Variants in FOXK1 observed in about 807,000 individuals in gnomAD.
FOXK1 encodes forkhead box K1, also known as forkhead box protein K1.
Under a neutral mutation model 51.9 loss-of-function variants are expected in FOXK1, and 19 were observed. The observed-to-expected ratio is 0.37, with a 90% CI of 0.26 to 0.54. The LOEUF (loss-of-function observed/expected upper bound fraction) is 0.54, where lower values mean the gene tolerates loss of function less well. FOXK1 is among the 20% of genes least tolerant of loss of function. The probability of loss-of-function intolerance (pLI) is 0.87; values close to 1 mark genes in which losing one functional copy is unlikely to be tolerated. For missense variants in FOXK1, 870 were observed against 1,032.7 expected, an observed-to-expected ratio of 0.84 and a Z score of 2.16; for synonymous variants, 537 against 482.6, an observed-to-expected ratio of 1.11 and a Z score of -1.48.
rs1363515766 is a variant in FOXK1, at chr7:4,753,778, G to C, written c.747-681G>C. ...CGGACGGACGCAGCCTCCTGCCTGT[G>C]GTCCCGGCCTCAACCCAGAGCCTCA... On this transcript the variant is annotated intron_variant, in intron 2 of 8. Transcript: ENST00000328914. The surrounding 1 kb of genome is among the most constrained non-coding windows in gnomAD (Gnocchi z 4.9). Among the ~76,000 whole-genome samples, 1 of 152,178 alleles carries C rather than the reference G, an allele frequency of 6.6e-6. No individual in the cohort carries two copies. Among genetic ancestry groups the C allele is most frequent in the African/African-American group, 2.4e-5 (1 of 41,452 alleles).
intron 2 of FOXK1, among the ~76,000 whole-genome samples, chr7:4,752,038 G>A (rs1424089984): frequency 6.6e-5 from 10 of 152,078 alleles, no homozygotes; most frequent in Non-Finnish European, 1.3e-4. Context: ...CTGCAGCCTC[G>A]ACCTCCCAGG....
chr7:4,688,299 A>T (rs933026742), intron 1 of FOXK1, among the ~76,000 whole-genome samples: 3 of 151,074 alleles, frequency 2.0e-5, no homozygotes, highest in African/African-American at 7.3e-5. Flanking sequence ...TGTCATTATC[A>T]CACCTAAAAA....
rs577074324 is a variant in FOXK1, at chr7:4,736,815, G to A, written c.561-4023G>A. 2.0e-5 allele frequency among the ~76,000 whole-genome samples: 3 copies of A among 152,332 alleles called. No homozygotes were observed. The East Asian group carries it at 5.8e-4, about 29-fold the overall frequency. On this transcript the variant is annotated intron_variant, in intron 1 of 8. Coordinates refer to ENST00000328914, the MANE Select transcript of FOXK1 (RefSeq NM_001037165.2). Reference sequence around the variant, plus strand: ...ATCACAGAAGCGCAGAGAGGTTAGGGTGAGTGGTTCTAAACCAATTTTCTC... The same window carrying A: ...ATCACAGAAGCGCAGAGAGGTTAGGATGAGTGGTTCTAAACCAATTTTCTC...
At chr7:4,720,949 G>A (rs1301316743) in intron 1 of FOXK1, among the ~76,000 whole-genome samples, 1 of 151,764 alleles carries the variant, frequency 6.6e-6, no homozygotes, top group Non-Finnish European at 1.5e-5. Flanking sequence ...ACACGTGTTA[G>A]TCAGGCTGGT....
At chr7:4,719,429 G>A (rs937830554) in intron 1 of FOXK1, among the ~76,000 whole-genome samples, 10 of 150,928 alleles carry the variant, frequency 6.6e-5, no homozygotes, top group East Asian at 2.0e-4. Flanking sequence ...TGTGAGCCAC[G>A]GTGCCTAGGG....
chr7:4,739,077 G>A (rs117305089), intron 1 of FOXK1, among the ~76,000 whole-genome samples: 1 of 152,322 alleles, frequency 6.6e-6, no homozygotes, highest in East Asian at 1.9e-4. Context: ...TGAAAGAGGG[G>A]TGTCTGCGCA....
chr7:4,760,077 G>A (rs1168287623), intron 7 of FOXK1: 1 of 163,074 alleles, frequency 6.1e-6, no homozygotes, highest in African/African-American at 2.4e-5. Flanking sequence ...CTTCCTTGTT[G>A]AACAGGGCCC....
In FOXK1 at chr7:4,762,571, G is replaced by A. The variant is rs936325064; in HGVS notation, c.*107G>A. Reference sequence around the variant, plus strand: ...CAGACGGAGGAGAACAGCCCGCGGCGGCCTGTGGGCATCGGCGGCACCTGG... The same window carrying A: ...CAGACGGAGGAGAACAGCCCGCGGCAGCCTGTGGGCATCGGCGGCACCTGG... On this transcript the variant is annotated 3_prime_UTR_variant, in exon 9 of 9. Coordinates refer to ENST00000328914, the MANE Select transcript of FOXK1 (RefSeq NM_001037165.2). The surrounding 1 kb of genome is among the most constrained non-coding windows in gnomAD (Gnocchi z 5.7). 46 of 1,169,738 alleles carry A rather than the reference G, an allele frequency of 3.9e-5. No individual in the cohort carries two copies. The highest frequency in any genetic ancestry group is 7.8e-5 in the East Asian group (3 of 38,608). The allele number at this position is 1,169,738 out of a possible 1,614,324, so 72.5% of individuals were successfully genotyped here. A position where few individuals can be genotyped will look rare whatever the true frequency, so the allele number is the denominator to read the frequency against.
Position 4,767,323 on chromosome 7 carries a change from A to G in FOXK1, c.*4859A>G, listed in dbSNP as rs1781026366. On this transcript the variant is annotated 3_prime_UTR_variant, in exon 9 of 9. Transcript: ENST00000328914. The surrounding 1 kb of genome is among the most constrained non-coding windows in gnomAD (Gnocchi z 6.6). ...ATCGTCAGGCTCTTTGCAAACGCAG[A>G]GCCCCAGAACGCTGGATGGAGGCCT... 6.6e-6 allele frequency: 1 copy of G among 152,272 alleles called. No homozygotes were observed. The highest frequency in any genetic ancestry group is 1.5e-5 in the Non-Finnish European group (1 of 68,064). The allele number at this position is 152,272 out of a possible 1,614,324, so 9.4% of individuals were successfully genotyped here.
chr7:4,771,405 T>G lies in FOXK1; in HGVS notation c.*8941T>G, dbSNP rs1393445528. 1 of 152,492 alleles carries G rather than the reference T, an allele frequency of 6.6e-6. No homozygotes were observed. The highest frequency in any genetic ancestry group is 2.4e-5 in the African/African-American group (1 of 41,420). 9.4% of individuals were successfully genotyped at this position (152,492 alleles called of 1,614,324 possible). On this transcript the variant is annotated 3_prime_UTR_variant, in exon 9 of 9. Transcript: ENST00000328914. ...TTTGTTTCTCCTCTTAGCATTTGTT[T>G]CTATAACCAGAAATAAAATTCTATA...
chr7:4,725,287 G>A (rs1002287525), intron 1 of FOXK1, among the ~76,000 whole-genome samples: 1 of 152,246 alleles, frequency 6.6e-6, no homozygotes, highest in Admixed American at 6.5e-5. Context: ...GAGCACCGAC[G>A]CCATCGGCTC....
Position 4,703,003 on chromosome 7 carries a change from G to A in FOXK1, c.560+20135G>A, listed in dbSNP as rs1780039331. On this transcript the variant is annotated intron_variant, in intron 1 of 8. Coordinates refer to ENST00000328914, the MANE Select transcript of FOXK1 (RefSeq NM_001037165.2). The surrounding 1 kb of genome is among the most constrained non-coding windows in gnomAD (Gnocchi z 5.6). ...TCGTCCTCCTGAGCTCCTGGCCTGT[G>A]TCTCCACCTAAAAGGCCGTCCTCAG... Among the ~76,000 whole-genome samples, 1 of 152,166 alleles carries A rather than the reference G, an allele frequency of 6.6e-6. No homozygotes were observed. The highest frequency in any genetic ancestry group is 1.5e-5 in the Non-Finnish European group (1 of 68,040).
Position 4,684,484 on chromosome 7 carries a change from C to T in FOXK1, c.560+1616C>T, listed in dbSNP as rs192757189. Among the ~76,000 whole-genome samples, 8 of 152,278 alleles carry T rather than the reference C, an allele frequency of 5.3e-5. No individual in the cohort carries two copies. The East Asian group carries it at 1.2e-3, about 22-fold the overall frequency. ...GAGGGGAAGTATACCTTTTTCTAAC[C>T]GTGCTGAAAGGTGTGCATTTTGGTA... On this transcript the variant is annotated intron_variant, in intron 1 of 8. Coordinates refer to ENST00000328914, the MANE Select transcript of FOXK1 (RefSeq NM_001037165.2).
At chr7:4,720,954 G>A (rs1780301794) in intron 1 of FOXK1, among the ~76,000 whole-genome samples, 1 of 152,014 alleles carries the variant, frequency 6.6e-6, no homozygotes, top group South Asian at 2.1e-4. Flanking sequence ...TGTTAGTCAG[G>A]CTGGTCTCGA....
intron 1 of FOXK1, among the ~76,000 whole-genome samples, chr7:4,732,617 A>C (rs1780492992): frequency 6.6e-6 from 1 of 152,180 alleles, no homozygotes; most frequent in East Asian, 1.9e-4. Context: ...CGCGCCAGCC[A>C]ATATGCATAG....
Position 4,722,688 on chromosome 7 carries a change from G to C in FOXK1, c.561-18150G>C, listed in dbSNP as rs1422867591. ...GATTTTCCTTGGGTGAAACGAGGAA[G>C]TCGTAGGAGACCCACCTCAGATGCT... is the stretch of plus-strand genomic sequence containing the variant. On this transcript the variant is annotated intron_variant, in intron 1 of 8. Coordinates refer to ENST00000328914, the MANE Select transcript of FOXK1 (RefSeq NM_001037165.2). This position sits in a 1 kb window ranked among gnomAD's most constrained non-coding sequence, Gnocchi z 5.1. Among the ~76,000 whole-genome samples the C allele has an allele frequency of 6.6e-6, 1 of 152,244 alleles. No homozygotes were observed. The highest frequency in any genetic ancestry group is 1.5e-5 in the Non-Finnish European group (1 of 68,044).
In FOXK1 at chr7:4,755,484, G is replaced by T; in HGVS notation, c.1050+101G>T. ...TTAAAACAGAAGAGGGCCAGTGAGG[G>T]GGCTCACGCCTGGAACCCTAGCATT... On this transcript the variant is annotated intron_variant, in intron 4 of 8. Coordinates refer to ENST00000328914, the MANE Select transcript of FOXK1 (RefSeq NM_001037165.2). This position sits in a 1 kb window ranked among gnomAD's most constrained non-coding sequence, Gnocchi z 6.6. 2 of 1,488,478 alleles carry T rather than the reference G, an allele frequency of 1.3e-6. No individual in the cohort carries two copies. Among genetic ancestry groups the T allele is most frequent in the Non-Finnish European group, 1.8e-6 (2 of 1,101,786 alleles). 92.2% of individuals were successfully genotyped at this position (1,488,478 alleles called of 1,614,324 possible).
chr7:4,685,232 T>C (rs988057496), intron 1 of FOXK1, among the ~76,000 whole-genome samples: 2 of 150,628 alleles, frequency 1.3e-5, no homozygotes, highest in African/African-American at 4.9e-5. Flanking sequence ...TTTTTTTTTT[T>C]TTTTTTTTTC....
In FOXK1 at chr7:4,709,835, CA is replaced by C. The variant is rs1218286102; in HGVS notation, c.560+26971del. The stretch of plus-strand genomic sequence containing the variant: ...CAGTTCACTGTCTGTAAAATAGGTC[CA>C]AAAGCCATCCCCACCTCCAAGGAGG... On this transcript the variant is annotated intron_variant, in intron 1 of 8. Coordinates refer to ENST00000328914, the MANE Select transcript of FOXK1 (RefSeq NM_001037165.2). The surrounding 1 kb of genome is among the most constrained non-coding windows in gnomAD (Gnocchi z 5.6). Among the ~76,000 whole-genome samples, 3 of 152,106 alleles carry C rather than the reference CA, an allele frequency of 2.0e-5. No individual in the cohort carries two copies. In the East Asian group the frequency reaches 5.8e-4, roughly 29 times the overall value.
Sources: allele counts gnomAD v4.1 joint callset (sites outside exome capture counted in the v4.1 genomes callset), GRCh38; gene constraint gnomAD v4.1.1; non-coding constraint Gnocchi (gnomAD v3.1); transcripts MANE v1.5; gene names NCBI Gene and HGNC (gene_info 2026-07-23, HGNC 2026-07-21).